MGST1: variants seen among roughly 807,000 people sequenced by gnomAD.
MGST1 encodes the protein microsomal glutathione S-transferase 1.
MGST1 carries 5 observed loss-of-function variants against 8.9 expected under a neutral mutation model. The observed-to-expected ratio is 0.56, with a 90% confidence interval of 0.29 to 1.19. The LOEUF is 1.19. Ranked by LOEUF, MGST1 falls within the 50% of genes most tolerant of loss-of-function variation. MGST1 has a pLI of 0.08. For missense variants in MGST1, 182 were observed against 187.4 expected (o/e 0.97, Z 0.17); for synonymous variants, 54 against 67.8 (o/e 0.80, Z 1.00).
At chr12:16,402,143 G>A in intron 1 of MGST1, 1 of 1,525,452 alleles carries the variant, frequency 6.6e-7, no homozygotes, top group Non-Finnish European at 9.1e-7. Flanking sequence ...CATTCTCATT[G>A]CCCTTAGTGT....
chr12:16,538,968 C>T (rs1389378225), intron 4 of MGST1, among the ~76,000 whole-genome samples: 1 of 152,138 alleles, frequency 6.6e-6, no homozygotes, highest in Non-Finnish European at 1.5e-5. Flanking sequence ...AAGCAGAAAC[C>T]CCTGATAAAA....
intron 4 of MGST1, among the ~76,000 whole-genome samples, chr12:16,453,521 TTTAG>T (rs1941146798): frequency 6.6e-6 from 1 of 151,944 alleles, no homozygotes; most frequent in Admixed American, 6.6e-5. Flanking sequence ...CTCAGCAATT[TTTAG>T]TTAATTATGA....
At chr12:16,357,375 T>C in intron 2 of MGST1, 3 of 392,038 alleles carry the variant, frequency 7.7e-6, no homozygotes, top group Non-Finnish European at 4.5e-6. Flanking sequence ...TCCTCCAACC[T>C]CAACCTCCTG....
At chr12:16,353,756 AC>A (rs1206021927) in intron 1 of MGST1, among the ~76,000 whole-genome samples, 94 of 103,362 alleles carry the variant, frequency 9.1e-4, no homozygotes, top group African/African-American at 3.4e-3. Flanking sequence ...AATATTGCAT[AC>A]TTTTTTTTTT....
chr12:16,354,966 A>G (rs942094561), intron 2 of MGST1, among the ~76,000 whole-genome samples: 3 of 151,710 alleles, frequency 2.0e-5, no homozygotes, highest in Admixed American at 6.6e-5. Context: ...GGAGGGTGGT[A>G]GACAGATTCT....
chr12:16,566,488 T>C (rs1942614888), intron 4 of MGST1, among the ~76,000 whole-genome samples: 1 of 151,996 alleles, frequency 6.6e-6, no homozygotes. Flanking sequence ...TTACACAAAA[T>C]ATATATGCAT....
intron 4 of MGST1, among the ~76,000 whole-genome samples, chr12:16,488,602 A>T (rs1941415748): frequency 6.6e-6 from 1 of 152,176 alleles, no homozygotes; most frequent in Non-Finnish European, 1.5e-5. Flanking sequence ...ATAGTCCCCT[A>T]GAATTATATT....
At chr12:16,454,398 C>T (rs958290149) in intron 4 of MGST1, among the ~76,000 whole-genome samples, 5 of 151,862 alleles carry the variant, frequency 3.3e-5, no homozygotes, top group African/African-American at 1.2e-4. Flanking sequence ...TCTATTTCTC[C>T]TCCTTCTAGT....
chr12:16,533,456 T>C (rs4764277), intron 4 of MGST1, among the ~76,000 whole-genome samples: 71,646 of 151,864 alleles, frequency 0.47, 17,427 homozygotes, highest in Admixed American at 0.57. Flanking sequence ...TTTCTATGAG[T>C]TATACTGTAA....
intron 4 of MGST1, among the ~76,000 whole-genome samples, chr12:16,495,774 A>G (rs1264331319): frequency 2.6e-5 from 4 of 151,634 alleles, no homozygotes; most frequent in African/African-American, 2.4e-5. Context: ...TCATTCTGCT[A>G]TCAACAGCTT....
intron 1 of MGST1, among the ~76,000 whole-genome samples, chr12:16,431,186 G>T (rs1698772417): frequency 6.6e-6 from 1 of 152,216 alleles, no homozygotes; most frequent in Admixed American, 6.5e-5. Flanking sequence ...CCTGGATTAA[G>T]CTTTGGCTTC....
downstream of MGST1, among the ~76,000 whole-genome samples, chr12:16,592,306 G>T (rs1032094197): frequency 6.6e-6 from 1 of 151,970 alleles, no homozygotes; most frequent in African/African-American, 2.4e-5. Flanking sequence ...TGAAAGAAGA[G>T]ATTCTTCTAG....
chr12:16,494,873 G>C (rs966702198), intron 4 of MGST1, among the ~76,000 whole-genome samples: 1 of 152,132 alleles, frequency 6.6e-6, no homozygotes, highest in Non-Finnish European at 1.5e-5. Context: ...CACTGAAACA[G>C]AATTCAGCCA....
chr12:16,533,608 G>A (rs769437934), intron 4 of MGST1, among the ~76,000 whole-genome samples: 35 of 152,112 alleles, frequency 2.3e-4, no homozygotes, highest in South Asian at 4.2e-4. Flanking sequence ...TTCTAGGATG[G>A]TAAACTGCAT....
rs11315617 is a variant in MGST1, at chr12:16,482,634, G to GAA, written n.482+99041_482+99042dup. ...TTACAGAGCAAGACTCTGTCTGGAA[G>GAA]AAAAAAAAAAAAGAGTGAGAACATG... On this transcript the variant is annotated intron_variant and non_coding_transcript_variant, in intron 4 of 4. Coordinates refer to the MGST1 transcript ENST00000538857. The surrounding 1 kb of genome is among the most constrained non-coding windows in gnomAD (Gnocchi z 4.2). 3.3e-4 allele frequency among the ~76,000 whole-genome samples: 48 copies of GAA among 145,988 alleles called. No homozygotes were observed. Among genetic ancestry groups the GAA allele is most frequent in the Admixed American group, 7.4e-4 (11 of 14,884 alleles).
At chr12:16,540,005 C>T (rs928982546) in intron 4 of MGST1, among the ~76,000 whole-genome samples, 2 of 152,162 alleles carry the variant, frequency 1.3e-5, no homozygotes, top group African/African-American at 2.4e-5. Flanking sequence ...CTTTCCCTAA[C>T]CCACTGGAAG....
chr12:16,357,948 A>G (rs892051009), intron 3 of MGST1, among the ~76,000 whole-genome samples: 6 of 152,210 alleles, frequency 3.9e-5, no homozygotes, highest in African/African-American at 9.6e-5. Flanking sequence ...ATAGGGATGT[A>G]TCAAAAGTAA....
rs1942587923 is a variant in MGST1 at position 16,565,998 on chromosome 12, AT to A, written n.483-23529del. 1.3e-4 allele frequency among the ~76,000 whole-genome samples: 3 copies of A among 22,404 alleles called. 1 individual carries two copies. In the South Asian group the frequency reaches 3.7e-3, roughly 27 times the overall value. 14.7% of individuals were successfully genotyped at this position (22,404 alleles called of 152,430 possible). A position where few individuals can be genotyped will look rare whatever the true frequency, so the allele number is the denominator to read the frequency against. Reference sequence around the variant, plus strand: ...GAAAATGTGCCATATATATATATATATATATATATATATATATATATATATA... The same window carrying A: ...GAAAATGTGCCATATATATATATATAATATATATATATATATATATATATA... On this transcript the variant is annotated intron_variant and non_coding_transcript_variant, in intron 4 of 4. Coordinates refer to the MGST1 transcript ENST00000538857.
At chr12:16,542,740 CCCCGAGGCCA>C (rs1941800101) in intron 4 of MGST1, among the ~76,000 whole-genome samples, 1 of 152,202 alleles carries the variant, frequency 6.6e-6, no homozygotes, top group Non-Finnish European at 1.5e-5. Flanking sequence ...TCTTGTCTCT[CCCCGAGGCCA>C]CCCTGTATTC....
Sources: allele counts gnomAD v4.1 joint callset (sites outside exome capture counted in the v4.1 genomes callset), GRCh38; gene constraint gnomAD v4.1.1; non-coding constraint Gnocchi (gnomAD v3.1); transcripts MANE v1.5; gene names NCBI Gene and HGNC (gene_info 2026-07-23, HGNC 2026-07-21).